Variants in HEXB observed in about 807,000 individuals in gnomAD.
HEXB encodes beta-hexosaminidase subunit beta.
HEXB carries 51 observed loss-of-function variants against 71.2 expected under a neutral mutation model. The ratio of observed to expected loss-of-function variants is 0.72; its 90% CI spans 0.57 to 0.90. The LOEUF (loss-of-function observed/expected upper bound fraction) is 0.90. Ranked by LOEUF, HEXB falls within the 40% of genes least tolerant of loss-of-function variation. The pLI is 0.00. For synonymous variants in HEXB, 266 were observed against 249.3 expected (o/e 1.07, Z -0.63); for missense variants, 617 against 677.0 (o/e 0.91, Z 0.98).
Position 74,643,395 on chromosome 5 carries a change from G to A in HEXB, c.-377+2837G>A, listed in dbSNP as rs543809287. ...AACAGGGCTGTCATCAAAACTGGAC[G>A]ACCATAGACATAGCAGATATCTGAG... is the stretch of plus-strand genomic sequence containing the variant. On this transcript the variant is annotated intron_variant, in intron 1 of 13. Transcript: ENST00000511181. Among the ~76,000 whole-genome samples, 9 of 152,266 alleles carry A rather than the reference G, an allele frequency of 5.9e-5. No individual in the cohort carries two copies. The East Asian group carries it at 1.5e-3, about 26-fold the overall frequency.
intron 5 of HEXB, among the ~76,000 whole-genome samples, chr5:74,703,669 A>G (rs966533809): frequency 1.3e-5 from 2 of 151,902 alleles, no homozygotes; most frequent in African/African-American, 2.4e-5. Flanking sequence ...TTCACCATCT[A>G]TTTTCACAAA....
At chr5:74,707,187 G>A (rs1249068387) in intron 6 of HEXB, among the ~76,000 whole-genome samples, 2 of 152,204 alleles carry the variant, frequency 1.3e-5, no homozygotes, top group Admixed American at 6.5e-5. Context: ...AACAGGGTCT[G>A]GAGTGGACCT....
chr5:74,714,515 G>A (rs1010413891), intron 7 of HEXB, among the ~76,000 whole-genome samples: 3 of 152,208 alleles, frequency 2.0e-5, no homozygotes, highest in Admixed American at 6.5e-5. Flanking sequence ...TGCTTGACAA[G>A]TATGTAGCTG....
chr5:74,695,360 C>T (rs3104693), intron 3 of HEXB, among the ~76,000 whole-genome samples: 66,148 of 149,830 alleles, frequency 0.44, 15,760 homozygotes, highest in Non-Finnish European at 0.54. Flanking sequence ...CCTGCCACCA[C>T]GCCTGGCTAA....
At chr5:74,715,794 A>C in intron 8 of HEXB, 104 bp downstream of exon 8, 1 of 804,976 alleles carries the variant, frequency 1.2e-6, no homozygotes, top group Non-Finnish European at 2.1e-6. Context: ...AGGCAGGCAG[A>C]TCACCTGAGG....
At position 74,652,080 on chromosome 5, in the gene HEXB, G is replaced by A. The variant is rs942773131; in HGVS notation, c.-377+11522G>A. ...TTTGCTTGGTCTAATACTCAACTCT[G>A]GCATGAGATGTCTACGTGGAAATTA... On this transcript the variant is annotated intron_variant, in intron 1 of 13. Transcript: ENST00000511181. This position sits in a 1 kb window ranked among gnomAD's most constrained non-coding sequence, Gnocchi z 5.4. 6.6e-6 allele frequency among the ~76,000 whole-genome samples: 1 copy of A among 152,118 alleles called. No individual in the cohort carries two copies.
intron 1 of HEXB, among the ~76,000 whole-genome samples, chr5:74,675,176 A>G (rs1344085319): frequency 6.6e-6 from 1 of 152,204 alleles, no homozygotes. Flanking sequence ...ATTAAAAGGA[A>G]CCATCAAAGG....
intron 1 of HEXB, among the ~76,000 whole-genome samples, chr5:74,688,263 C>A (rs1748916898): frequency 6.6e-6 from 1 of 150,806 alleles, no homozygotes; most frequent in Non-Finnish European, 1.5e-5. Flanking sequence ...ATATTTAATG[C>A]CTTTACAATA....
intron 3 of HEXB, among the ~76,000 whole-genome samples, chr5:74,696,305 G>T (rs1284090011): frequency 6.6e-6 from 1 of 152,082 alleles, no homozygotes; most frequent in Admixed American, 6.6e-5. Flanking sequence ...TTTCCCTGTT[G>T]CATTTAGATA....
At chr5:74,694,228 G>T (rs1444937883) in intron 3 of HEXB, among the ~76,000 whole-genome samples, 2 of 152,180 alleles carry the variant, frequency 1.3e-5, no homozygotes, top group African/African-American at 4.8e-5. Context: ...ATGTTTGAAG[G>T]TTATTACATT....
chr5:74,689,198 G>A, intron 1 of HEXB, 130 bp from the exon 2 acceptor site: 2 of 752,290 alleles, frequency 2.7e-6, no homozygotes, highest in Admixed American at 2.0e-5. Flanking sequence ...AGCTTGGGGT[G>A]AGAATCTCTA....
chr5:74,677,534 A>T (rs820864), intron 1 of HEXB, among the ~76,000 whole-genome samples: 1 of 138,178 alleles, frequency 7.2e-6, no homozygotes. Context: ...TCAGAGGTCC[A>T]TGCCAAGTTC....
intron 1 of HEXB, among the ~76,000 whole-genome samples, chr5:74,671,010 G>C (rs1353383144): frequency 6.6e-6 from 1 of 152,138 alleles, no homozygotes; most frequent in African/African-American, 2.4e-5. Flanking sequence ...TCCCAGCAAG[G>C]CTGGCAGGAA....
chr5:74,714,063 C>T (rs918117647), intron 7 of HEXB, among the ~76,000 whole-genome samples: 2 of 152,168 alleles, frequency 1.3e-5, no homozygotes, highest in African/African-American at 4.8e-5. Flanking sequence ...TCTTGATCTC[C>T]CCTCCTCATG....
chr5:74,682,616 G>T (rs1328808855), upstream of HEXB, among the ~76,000 whole-genome samples: 1 of 152,224 alleles, frequency 6.6e-6, no homozygotes. Flanking sequence ...TTGTAATTAA[G>T]TATATAGTAA....
chr5:74,680,999 G>C (rs1345136639), upstream of HEXB, among the ~76,000 whole-genome samples: 1 of 152,194 alleles, frequency 6.6e-6, no homozygotes, highest in Non-Finnish European at 1.5e-5. Context: ...CTTTGTTTCA[G>C]CTCCATGTTG....
At chr5:74,669,528 C>T (rs1748494571) in intron 1 of HEXB, among the ~76,000 whole-genome samples, 1 of 152,040 alleles carries the variant, frequency 6.6e-6, no homozygotes, top group African/African-American at 2.4e-5. Flanking sequence ...ATTGAAAATC[C>T]TTCTCTTTCT....
rs138914144 is a variant in HEXB at position 74,713,575 on chromosome 5, C to T, written c.841C>T (p.Arg281Ter). 14 of 1,612,670 alleles carry T rather than the reference C, an allele frequency of 8.7e-6. No homozygotes were observed. The highest frequency in any genetic ancestry group is 2.7e-5 in the African/African-American group (2 of 74,862). The change falls in exon 7 of 14, where the codon CGA becomes TGA. Residue 281 changes from arginine to a stop codon, truncating the protein, a stop_gained. Transcript: ENST00000261416. LOFTEE classifies it high-confidence loss of function. Reference sequence around the variant, plus strand: ...TATGGTGATTGAATATGCCAGATTACGAGGAATTCGAGTCCTGCCAGAATT... The same window carrying T: ...TATGGTGATTGAATATGCCAGATTATGAGGAATTCGAGTCCTGCCAGAATT... ...VRMVIEYARL[R>*]GIRVLPEFDT...
rs376959146 is a variant in HEXB, at chr5:74,651,748, C to T, written c.-377+11190C>T. 2.0e-5 allele frequency among the ~76,000 whole-genome samples: 3 copies of T among 152,296 alleles called. No homozygotes were observed. The South Asian group carries it at 6.2e-4, about 32-fold the overall frequency. On this transcript the variant is annotated intron_variant, in intron 1 of 13. Coordinates refer to the HEXB transcript ENST00000511181. Reference sequence around the variant, plus strand: ...AACTAACCAGCATCTCTGTGCTTTTCCTCTCATGATAAGAAGTATTAAATC... The same window carrying T: ...AACTAACCAGCATCTCTGTGCTTTTTCTCTCATGATAAGAAGTATTAAATC...
Sources: gnomAD v4.1 joint callset for allele counts (sites outside exome capture counted in the v4.1 genomes callset) on GRCh38, gnomAD v4.1.1 for gene constraint, Gnocchi (gnomAD v3.1) non-coding constraint, MANE v1.5 for transcripts, NCBI Gene and HGNC (gene_info 2026-07-23, HGNC 2026-07-21) for gene names.